DOCK1: variants seen among roughly 807,000 people sequenced by gnomAD.
The protein encoded by DOCK1 is dedicator of cytokinesis 1.
Under a neutral mutation model 262.7 loss-of-function variants are expected in DOCK1, and 138 were observed. The ratio of observed to expected loss-of-function variants is 0.53; its 90% CI spans 0.46 to 0.61. The LOEUF (loss-of-function observed/expected upper bound fraction) is 0.61. Ranked by LOEUF, DOCK1 falls within the 20% of genes least tolerant of loss-of-function variation. The probability of loss-of-function intolerance (pLI) is 0.00; values close to 1 mark genes in which losing one functional copy is unlikely to be tolerated. For missense variants in DOCK1, 1,908 were observed against 2,370.7 expected (o/e 0.80, Z 4.05); for synonymous variants, 866 against 867.4 (o/e 1.00, Z 0.03).
intron 7 of DOCK1, 60 bp from the exon 8 acceptor site, chr10:126,998,031 GA>G (rs1317976424): frequency 3.8e-6 from 6 of 1,592,094 alleles, no homozygotes; most frequent in Non-Finnish European, 5.1e-6. Context: ...AGGGAATAAA[GA>G]AAGCAAGTGT....
chr10:127,011,423 C>G (rs2041433807), intron 11 of DOCK1, among the ~76,000 whole-genome samples: 1 of 152,180 alleles, frequency 6.6e-6, no homozygotes, highest in Admixed American at 6.5e-5. Flanking sequence ...TCATGTGGCT[C>G]AAGTGATGGA....
intron 21 of DOCK1, among the ~76,000 whole-genome samples, chr10:127,051,662 A>C (rs945644523): frequency 1.5e-4 from 23 of 152,264 alleles, no homozygotes; most frequent in Non-Finnish European, 2.9e-4. Context: ...GGCTCACTGC[A>C]ACCTCTGCTT....
intron 27 of DOCK1, among the ~76,000 whole-genome samples, chr10:127,224,776 A>C (rs1350510663): frequency 6.6e-6 from 1 of 151,846 alleles, no homozygotes; most frequent in Non-Finnish European, 1.5e-5. Context: ...TATTATCTAT[A>C]TCTGTATATT....
chr10:127,448,496 G>A (rs1433470489), intron 51 of DOCK1, among the ~76,000 whole-genome samples: 2 of 152,192 alleles, frequency 1.3e-5, no homozygotes, highest in African/African-American at 4.8e-5. Flanking sequence ...CCATCCTCAT[G>A]TCGGGCCCAG....
intron 27 of DOCK1, 92 bp downstream of exon 27, chr10:127,127,856 A>G (rs2050063145): frequency 3.7e-6 from 4 of 1,070,448 alleles, no homozygotes; most frequent in Non-Finnish European, 4.1e-6. Flanking sequence ...TTATACTGCA[A>G]TGTAGTGAGC....
At chr10:126,932,905 C>T (rs1289129848) in intron 1 of DOCK1, among the ~76,000 whole-genome samples, 1 of 152,158 alleles carries the variant, frequency 6.6e-6, no homozygotes, top group East Asian at 1.9e-4. Flanking sequence ...CCGTCAGCTC[C>T]TGGCCAACTC....
At chr10:127,251,106 G>GCA (rs987307248) in intron 28 of DOCK1, among the ~76,000 whole-genome samples, 42 of 151,880 alleles carry the variant, frequency 2.8e-4, no homozygotes, top group African/African-American at 9.2e-4. Flanking sequence ...GGGATTACAG[G>GCA]CATGCACCAC....
intron 49 of DOCK1, among the ~76,000 whole-genome samples, chr10:127,440,862 C>T (rs753913951): frequency 2.0e-5 from 3 of 152,132 alleles, no homozygotes; most frequent in Non-Finnish European, 2.9e-5. Flanking sequence ...AGACGCTCAG[C>T]GTCCAGCAGA....
At chr10:126,976,641 C>T (rs149937245) in intron 2 of DOCK1, among the ~76,000 whole-genome samples, 172 of 152,232 alleles carry the variant, frequency 1.1e-3, no homozygotes, top group African/African-American at 4.0e-3. Flanking sequence ...TTTGGTTATT[C>T]TCTGGGAATT....
At chr10:127,227,703 A>T (rs1048969376) in intron 27 of DOCK1, among the ~76,000 whole-genome samples, 5 of 152,228 alleles carry the variant, frequency 3.3e-5, no homozygotes, top group Admixed American at 3.3e-4. Flanking sequence ...AGCCACAGGG[A>T]TGTGCAACTT....
chr10:126,925,724 C>CTGTGTGTGTGTG (rs71032531), intron 1 of DOCK1, among the ~76,000 whole-genome samples: 18 of 141,206 alleles, frequency 1.3e-4, no homozygotes, highest in Non-Finnish European at 1.1e-4. Context: ...ATTGCAGAGT[C>CTGTGTGTGTGTG]TGTGTGTGTG....
At chr10:126,956,775 A>G (rs983264291) in intron 1 of DOCK1, among the ~76,000 whole-genome samples, 1 of 152,170 alleles carries the variant, frequency 6.6e-6, no homozygotes. Context: ...GGCACAGAAC[A>G]GGGGTTTGGG....
intron 31 of DOCK1, among the ~76,000 whole-genome samples, chr10:127,349,302 G>T (rs894673652): frequency 6.6e-6 from 1 of 151,776 alleles, no homozygotes; most frequent in African/African-American, 2.4e-5. Flanking sequence ...AGGGTATTCA[G>T]CTCCCTAGAT....
chr10:126,985,660 A>G (rs2039329060), intron 4 of DOCK1, among the ~76,000 whole-genome samples: 1 of 152,200 alleles, frequency 6.6e-6, no homozygotes, highest in African/African-American at 2.4e-5. Context: ...TCGTTGTTGC[A>G]GATCCTCATA....
chr10:127,175,861 G>T lies in DOCK1; in HGVS notation c.2847+48097G>T, dbSNP rs935714014. On this transcript the variant is annotated intron_variant, in intron 27 of 51. Transcript: ENST00000623213. This position sits in a 1 kb window ranked among gnomAD's most constrained non-coding sequence, Gnocchi z 6.3. ...GGCTGGTCCACTGTGTTCATGTGTT[G>T]GTTGGAATGGAAAACCAAGGCTGTG... 2.5e-6 allele frequency: 4 copies of T among 1,614,016 alleles called. No individual in the cohort carries two copies. In the South Asian group the frequency reaches 3.3e-5, roughly 13 times the overall value.
intron 22 of DOCK1, among the ~76,000 whole-genome samples, chr10:127,059,225 G>C (rs1290235416): frequency 6.6e-6 from 1 of 152,032 alleles, no homozygotes; most frequent in Admixed American, 6.6e-5. Context: ...CTTTCTTGCT[G>C]CTTTTAGTTT....
rs571051175 is a variant in DOCK1 at position 127,433,358 on chromosome 10, C to T, written c.4990C>T (p.Arg1664Cys). The change falls in exon 48 of 52, where the codon CGC (arginine) becomes TGC (cysteine). Residue 1664 changes from arginine to cysteine, a missense_variant. Arg to Cys is a radical substitution (Grantham distance 180). Transcript: ENST00000623213. ...GTCCTTCACGATGCCTTCCTCATCCCGCCCTCTGTCTGTGGCCTCTGTCTC... is the reference window on the plus strand; with the variant it reads ...GTCCTTCACGATGCCTTCCTCATCCTGCCCTCTGTCTGTGGCCTCTGTCTC... ...VRSFTMPSSS[R>C]PLSVASVSSL... 7 of 1,613,992 alleles carry T rather than the reference C, an allele frequency of 4.3e-6. No homozygotes were observed. Among genetic ancestry groups the T allele is most frequent in the South Asian group, 2.2e-5 (2 of 91,076 alleles).
At chr10:127,316,323 C>T (rs2062280194) in intron 29 of DOCK1, among the ~76,000 whole-genome samples, 1 of 152,184 alleles carries the variant, frequency 6.6e-6, no homozygotes, top group African/African-American at 2.4e-5. Flanking sequence ...TCCCCACTCA[C>T]CCCGCCTTTA....
chr10:127,366,232 A>G (rs2064899746), intron 33 of DOCK1, among the ~76,000 whole-genome samples: 1 of 152,010 alleles, frequency 6.6e-6, no homozygotes, highest in Admixed American at 6.5e-5. Context: ...ATGAGGGCAG[A>G]AAAACTAACC....
Sources: allele counts gnomAD v4.1 joint callset (sites outside exome capture counted in the v4.1 genomes callset), GRCh38; gene constraint gnomAD v4.1.1; non-coding constraint Gnocchi (gnomAD v3.1); transcripts MANE v1.5; gene names NCBI Gene and HGNC (gene_info 2026-07-23, HGNC 2026-07-21).